Variants in ACSL6 observed in about 807,000 individuals in gnomAD.
The protein encoded by ACSL6 is long-chain-fatty-acid--CoA ligase 6.
A neutral mutation model predicts 98.2 loss-of-function variants in ACSL6; 47 were observed. That is an observed-to-expected ratio of 0.48 (90% confidence interval 0.38 to 0.61). ACSL6 has a LOEUF of 0.61. Among genes scored for constraint, ACSL6 ranks in the 20% least tolerant of loss-of-function variants. ACSL6 has a pLI of 0.00. For missense variants in ACSL6, 761 were observed against 913.4 expected, an observed-to-expected ratio of 0.83 and a Z score of 2.15; for synonymous variants, 362 against 336.9, an observed-to-expected ratio of 1.07 and a Z score of -0.82.
rs1754465615 is a variant in ACSL6 at position 131,990,837 on chromosome 5, C to T, written c.385+16G>A. 2 of 1,612,270 alleles carry T rather than the reference C, an allele frequency of 1.2e-6. No individual in the cohort carries two copies. Among genetic ancestry groups the T allele is most frequent in the African/African-American group, 1.3e-5 (1 of 74,812 alleles). On this transcript the variant is annotated intron_variant, in intron 3 of 20. Transcript: ENST00000651883. The stretch of plus-strand genomic sequence containing the variant: ...CCACACAGCCCCTCCACACCCCCCC[C>T]CACAACCCTTCTCACCTGAGATGCT...
chr5:131,953,562 G>C lies in ACSL6; in HGVS notation c.*672C>G. 5.3e-6 allele frequency: 1 copy of C among 189,164 alleles called. No homozygotes were observed. The highest frequency in any genetic ancestry group is 1.1e-5 in the Non-Finnish European group (1 of 89,948). 11.7% of individuals were successfully genotyped at this position (189,164 alleles called of 1,614,324 possible). ...GGAGACTGCAATGAGCCATGATTAA[G>C]CCACTGCACTCCAGCCTAGGTGACA... On this transcript the variant is annotated 3_prime_UTR_variant, in exon 21 of 21. Coordinates refer to ENST00000651883, the MANE Select transcript of ACSL6 (RefSeq NM_001009185.3).
chr5:131,988,753 T>C lies in ACSL6; in HGVS notation c.652+52A>G, dbSNP rs149777790. ...CAGCATAACCTGAGAAGCTGGAGGC[T>C]GGAGGCTGGGGACCAGTTGCCAGTG... On this transcript the variant is annotated intron_variant, in intron 6 of 20. Transcript: ENST00000651883. The C allele has an allele frequency of 1.1e-3, 1,820 of 1,590,974 alleles. 12 individuals carry two copies. The African/African-American group carries it at 0.014, about 12-fold the overall frequency.
rs532216334 is a variant in ACSL6 at position 131,950,093 on chromosome 5, G to A, written c.*4141C>T. On this transcript the variant is annotated 3_prime_UTR_variant, in exon 21 of 21. Transcript: ENST00000651883. ...GTAATTACAGTTAAGATACTTTTAT[G>A]CATATTTAAAAAGTAATATTTTAAT... 3.3e-4 allele frequency: 61 copies of A among 182,958 alleles called. No homozygotes were observed. In the Middle Eastern group the frequency reaches 0.02, roughly 61 times the overall value. 11.3% of individuals were successfully genotyped at this position (182,958 alleles called of 1,614,324 possible).
chr5:131,981,332 A>AAAC (rs1753880953), intron 9 of ACSL6, among the ~76,000 whole-genome samples: 1 of 146,634 alleles, frequency 6.8e-6, no homozygotes, highest in Non-Finnish European at 1.5e-5. Flanking sequence ...TAAAAAAAAA[A>AAAC]AAAAAAAAAA....
chr5:131,968,066 A>G (rs757693134), intron 15 of ACSL6, 38 bp from the exon 16 acceptor site: 1 of 1,588,306 alleles, frequency 6.3e-7, no homozygotes, highest in Non-Finnish European at 8.6e-7. Context: ...GTTAGTGTTC[A>G]GATCTGTTTT....
chr5:132,011,615 C>CGCAGCCCA lies in ACSL6; in HGVS notation c.-70_-63dup, dbSNP rs1188595009. ...TCCCCGACCCGCAGCCCCGCAGCCC[C>CGCAGCCCA]GCAGCCCAGCAGCCCCAGCAGTAGC... On this transcript the variant is annotated 5_prime_UTR_variant, in exon 1 of 21. Transcript: ENST00000651883. This position sits in a 1 kb window ranked among gnomAD's most constrained non-coding sequence, Gnocchi z 5.4. 1.1e-4 allele frequency: 157 copies of CGCAGCCCA among 1,388,566 alleles called. No homozygotes were observed. The African/African-American group carries it at 2.2e-3, about 19-fold the overall frequency. 86.0% of individuals were successfully genotyped at this position (1,388,566 alleles called of 1,614,324 possible). A position where few individuals can be genotyped will look rare whatever the true frequency, so the allele number is the denominator to read the frequency against.
intron 13 of ACSL6, among the ~76,000 whole-genome samples, chr5:131,972,357 T>C (rs1753356417): frequency 6.6e-6 from 1 of 152,052 alleles, no homozygotes; most frequent in Non-Finnish European, 1.5e-5. Context: ...GCTAGACCCA[T>C]GCTGCTGGAA....
rs1057315209 is a variant in ACSL6, at chr5:131,973,453, G to T, written c.1069-53C>A. On this transcript the variant is annotated intron_variant, in intron 11 of 20. Transcript: ENST00000651883. ...GTCCCTTAGGGTGGTCACTACTGGC[G>T]ATAGTCCAAAGCTGTCCAAAGTGCT... 3.8e-6 allele frequency: 6 copies of T among 1,589,016 alleles called. No homozygotes were observed. The African/African-American group carries it at 6.7e-5, about 18-fold the overall frequency.
intron 9 of ACSL6, chr5:131,984,329 C>T (rs913985047): frequency 2.0e-5 from 3 of 152,268 alleles, no homozygotes; most frequent in Non-Finnish European, 4.4e-5. Context: ...GAGGCTGCAT[C>T]TGCAGAAGGC....
intron 6 of ACSL6, 135 bp from the exon 7 acceptor site, chr5:131,988,361 A>G (rs1172469745): frequency 7.7e-7 from 1 of 1,302,052 alleles, no homozygotes; most frequent in Non-Finnish European, 1.1e-6. Context: ...ATAAATACAT[A>G]AGACAGGCCT....
At position 131,973,347 on chromosome 5, in the gene ACSL6, G is replaced by A; in HGVS notation, c.1122C>T (p.Arg374=). The A allele has an allele frequency of 6.2e-7, 1 of 1,614,202 alleles. No homozygotes were observed. The highest frequency in any genetic ancestry group is 8.5e-7 in the Non-Finnish European group (1 of 1,180,022). The change falls in exon 12 of 21, where the codon CGC becomes CGT. Residue 374 remains arginine, a synonymous_variant. Coordinates refer to ENST00000651883, the MANE Select transcript of ACSL6 (RefSeq NM_001009185.3). ...GAGCCTTCATGTCATCTGAGAGAAG[G>A]CGGATATCTCCCTGGAAGAAGCCAA... ...GRVGFFQGDI[R]LLSDDMKALC...
intron 9 of ACSL6, among the ~76,000 whole-genome samples, chr5:131,981,321 T>C (rs1279230060): frequency 3.5e-5 from 4 of 115,460 alleles, no homozygotes; most frequent in Non-Finnish European, 6.6e-5. Context: ...TAGTCAACTA[T>C]TAAAAAAAAA....
chr5:131,976,569 C>G (rs1753627563), intron 10 of ACSL6, 79 bp downstream of exon 10: 4 of 1,237,116 alleles, frequency 3.2e-6, no homozygotes, highest in Non-Finnish European at 4.6e-6. Flanking sequence ...AAAAAGAAAA[C>G]AAACAAATAA....
intron 16 of ACSL6, among the ~76,000 whole-genome samples, chr5:131,967,149 C>A (rs574221637): frequency 6.6e-6 from 1 of 151,976 alleles, no homozygotes; most frequent in Non-Finnish European, 1.5e-5. Context: ...AGTTTAAGAT[C>A]AGCCTGGGCA....
chr5:131,979,566 T>C (rs563659334), intron 9 of ACSL6, among the ~76,000 whole-genome samples: 197 of 152,376 alleles, frequency 1.3e-3, no homozygotes, highest in Non-Finnish European at 1.8e-3. Context: ...TTTAGTTTTC[T>C]TGTGGATATG....
intron 6 of ACSL6, chr5:131,988,479 A>G (rs1180709032): frequency 6.4e-7 from 1 of 1,559,540 alleles, no homozygotes; most frequent in Non-Finnish European, 8.8e-7. Context: ...CTCTGCCCCC[A>G]TCATCCCAGG....
intron 9 of ACSL6, among the ~76,000 whole-genome samples, chr5:131,978,126 A>G (rs1235706064): frequency 6.6e-6 from 1 of 152,254 alleles, no homozygotes; most frequent in Non-Finnish European, 1.5e-5. Flanking sequence ...GAATCTGGAT[A>G]TGGAGTCTAC....
chr5:131,975,711 G>A, intron 10 of ACSL6: 1 of 985,426 alleles, frequency 1.0e-6, no homozygotes. Flanking sequence ...TGACCCTAGG[G>A]ACAGGGGCTA....
chr5:132,000,245 A>C (rs1299322699), intron 1 of ACSL6, among the ~76,000 whole-genome samples: 1 of 152,106 alleles, frequency 6.6e-6, no homozygotes, highest in Non-Finnish European at 1.5e-5. Context: ...GACACTCTGG[A>C]CCAAGGATCA....
Sources: allele counts gnomAD v4.1 joint callset (sites outside exome capture counted in the v4.1 genomes callset), GRCh38; gene constraint gnomAD v4.1.1; non-coding constraint Gnocchi (gnomAD v3.1); transcripts MANE v1.5; gene names NCBI Gene and HGNC (gene_info 2026-07-23, HGNC 2026-07-21).